Variants in MYLK4 observed in about 807,000 individuals in gnomAD.
MYLK4 encodes myosin light chain kinase family member 4, also known as caMLCK like.
Under a neutral mutation model 48.1 loss-of-function variants are expected in MYLK4, and 46 were observed. That is an observed-to-expected ratio of 0.96 (90% CI 0.75 to 1.22). MYLK4 has a LOEUF of 1.22. MYLK4 is among the 50% of genes most tolerant of loss of function. MYLK4 has a pLI of 0.00. For missense variants in MYLK4, 451 were observed against 486.1 expected (o/e 0.93, Z 0.68); for synonymous variants, 170 against 180.8 (o/e 0.94, Z 0.48).
At chr6:2,765,310 T>G in the MYLK4 span, 1 of 195,144 alleles carries the variant, frequency 5.1e-6, no homozygotes, top group Non-Finnish European at 1.0e-5. Flanking sequence ...TTCTCGGCGG[T>G]GATTGGGGCA....
Position 2,678,373 on chromosome 6 carries a change from C to G in MYLK4, c.888-1G>C, listed in dbSNP as rs777507952. ...CAGGAAAGGCGACAAACCGCTAAGTCTGGAGGACACGGGGTCCAGAGTGAG... is the reference window on the plus strand; with the variant it reads ...CAGGAAAGGCGACAAACCGCTAAGTGTGGAGGACACGGGGTCCAGAGTGAG... On this transcript the variant is annotated splice_acceptor_variant, in intron 9 of 12. Coordinates refer to ENST00000274643, the MANE Select transcript of MYLK4 (RefSeq NM_001012418.5). LOFTEE classifies it high-confidence loss of function. 1.9e-6 allele frequency: 3 copies of G among 1,613,806 alleles called. No homozygotes were observed. Among genetic ancestry groups the G allele is most frequent in the Non-Finnish European group, 8.5e-7 (1 of 1,179,988 alleles).
rs1360635971 is a variant in MYLK4 at position 2,670,280 on chromosome 6, C to G, written c.*25+996G>C. ...ACTCAGGATGCTGAGGCAGGAGAATCGCTTGAACCTGGGAGGTGGGGGTTG... is the reference window on the plus strand; with the variant it reads ...ACTCAGGATGCTGAGGCAGGAGAATGGCTTGAACCTGGGAGGTGGGGGTTG... On this transcript the variant is annotated intron_variant, in intron 12 of 12. Coordinates refer to ENST00000274643, the MANE Select transcript of MYLK4 (RefSeq NM_001012418.5). Among the ~76,000 whole-genome samples, 3 of 152,236 alleles carry G rather than the reference C, an allele frequency of 2.0e-5. 1 individual carries two copies. The South Asian group carries it at 6.2e-4, about 32-fold the overall frequency.
At chr6:2,697,941 C>G (rs1762128587) in intron 2 of MYLK4, among the ~76,000 whole-genome samples, 1 of 152,218 alleles carries the variant, frequency 6.6e-6, no homozygotes, top group African/African-American at 2.4e-5. Flanking sequence ...TGAGAACACT[C>G]TGTCATCAGG....
intron 2 of MYLK4, among the ~76,000 whole-genome samples, chr6:2,741,912 C>T (rs1192846311): frequency 2.6e-5 from 4 of 152,166 alleles, no homozygotes. Context: ...AAGATGAAAG[C>T]CCTTAGTATT....
chr6:2,769,295 C>G, the MYLK4 span, among the ~76,000 whole-genome samples: 1 of 151,800 alleles, frequency 6.6e-6, no homozygotes, highest in African/African-American at 2.4e-5. Context: ...TCTGTAACTC[C>G]AGGCTCTGTC....
Position 2,750,805 on chromosome 6 carries a change from G to T in MYLK4, c.-182C>A, listed in dbSNP as rs924564665. On this transcript the variant is annotated 5_prime_UTR_variant, in exon 1 of 13. Coordinates refer to ENST00000274643, the MANE Select transcript of MYLK4 (RefSeq NM_001012418.5). ...GAGCATACATTCCAGAAGATAAAGAGAAATTTTGCAGAATTCAAACTGACT... is the reference window on the plus strand; with the variant it reads ...GAGCATACATTCCAGAAGATAAAGATAAATTTTGCAGAATTCAAACTGACT... The T allele has an allele frequency of 2.0e-5, 3 of 152,484 alleles. No homozygotes were observed. Among genetic ancestry groups the T allele is most frequent in the African/African-American group, 7.2e-5 (3 of 41,444 alleles). The allele number at this position is 152,484 out of a possible 1,614,324, so 9.4% of individuals were successfully genotyped here.
intron 2 of MYLK4, among the ~76,000 whole-genome samples, chr6:2,705,517 G>A (rs1322367133): frequency 2.0e-5 from 3 of 152,164 alleles, no homozygotes; most frequent in African/African-American, 7.2e-5. Context: ...TGTGTTCCCT[G>A]TTTAAGCAGG....
At chr6:2,765,477 C>G in the MYLK4 span, 1 of 1,052,682 alleles carries the variant, frequency 9.5e-7, no homozygotes, top group Non-Finnish European at 1.2e-6. Flanking sequence ...GAGGCATGAG[C>G]GGCGCCCTCC....
intron 2 of MYLK4, among the ~76,000 whole-genome samples, chr6:2,716,829 A>C (rs1201943692): frequency 2.6e-5 from 4 of 152,272 alleles, no homozygotes; most frequent in African/African-American, 9.6e-5. Context: ...ATGAATATAA[A>C]ATGAATGAAA....
chr6:2,754,586 A>C (rs990077017), upstream of MYLK4, among the ~76,000 whole-genome samples: 4 of 152,232 alleles, frequency 2.6e-5, no homozygotes, highest in Non-Finnish European at 5.9e-5. Flanking sequence ...TGATGACTGT[A>C]CAACTCATTC....
chr6:2,727,059 T>A lies in MYLK4; in HGVS notation c.159+22077A>T, dbSNP rs138772187. Among the ~76,000 whole-genome samples, 412 of 152,344 alleles carry A rather than the reference T, an allele frequency of 2.7e-3. 2 individuals are homozygous for A. The highest frequency in any genetic ancestry group is 2.8e-3 in the Non-Finnish European group (188 of 68,028). ...ATTGTGAACGTGTCAGATTCTGCCA[T>A]CTGAAAGGTGGCCTTTTTCAGCCCA... On this transcript the variant is annotated intron_variant, in intron 2 of 12. Coordinates refer to ENST00000274643, the MANE Select transcript of MYLK4 (RefSeq NM_001012418.5).
chr6:2,703,665 CT>C (rs3055234), intron 2 of MYLK4, among the ~76,000 whole-genome samples: 2,465 of 94,680 alleles, frequency 0.026, 13 homozygotes, highest in East Asian at 0.19. Flanking sequence ...TTTGTGAATT[CT>C]TTTTTTTTTT....
At chr6:2,765,184 C>A in the MYLK4 span, among the ~76,000 whole-genome samples, 242 of 72,296 alleles carry the variant, frequency 3.3e-3, 6 homozygotes, top group Admixed American at 7.2e-3. Context: ...GCCTCGCAAC[C>A]CCCCCCCCCG....
chr6:2,720,468 T>C (rs1334393381), intron 2 of MYLK4, among the ~76,000 whole-genome samples: 1 of 151,842 alleles, frequency 6.6e-6, no homozygotes, highest in African/African-American at 2.4e-5. Flanking sequence ...CAACAGAGAT[T>C]ATGCAGGGAA....
chr6:2,762,449 G>A, the MYLK4 span, among the ~76,000 whole-genome samples: 2 of 152,186 alleles, frequency 1.3e-5, no homozygotes, highest in Non-Finnish European at 2.9e-5. Context: ...AGAGATTCAA[G>A]AAATTTGTTT....
chr6:2,674,763 T>G (rs1761022813), intron 11 of MYLK4, among the ~76,000 whole-genome samples: 1 of 152,114 alleles, frequency 6.6e-6, no homozygotes, highest in African/African-American at 2.4e-5. Context: ...CCCAGCTACC[T>G]GTGAGACTGA....
intron 2 of MYLK4, among the ~76,000 whole-genome samples, chr6:2,705,921 A>G (rs1249456663): frequency 3.1e-3 from 51 of 16,688 alleles, no homozygotes; most frequent in Middle Eastern, 0.025. Flanking sequence ...ATTCGGGGGA[A>G]AAAAAAAAAA....
At chr6:2,729,006 C>T (rs1205825727) in intron 2 of MYLK4, among the ~76,000 whole-genome samples, 2 of 152,198 alleles carry the variant, frequency 1.3e-5, no homozygotes, top group East Asian at 3.9e-4. Context: ...TTGCTGGTTG[C>T]TATGTGTACA....
rs778691772 is a variant in MYLK4, at chr6:2,685,625, C to T, written c.342-49G>A. ...AGCATGAGGCCCTGTGGTCAGCTGCCGAGTGGACAGCGCACAGTGGCCCCA... is the reference window on the plus strand; with the variant it reads ...AGCATGAGGCCCTGTGGTCAGCTGCTGAGTGGACAGCGCACAGTGGCCCCA... On this transcript the variant is annotated intron_variant, in intron 4 of 12. Transcript: ENST00000274643. This position sits in a 1 kb window ranked among gnomAD's most constrained non-coding sequence, Gnocchi z 4.5. 26 of 1,562,500 alleles carry T rather than the reference C, an allele frequency of 1.7e-5. No homozygotes were observed. Among genetic ancestry groups the T allele is most frequent in the East Asian group, 9.0e-5 (4 of 44,680 alleles).
Sources: gnomAD v4.1 joint callset for allele counts (sites outside exome capture counted in the v4.1 genomes callset) on GRCh38, gnomAD v4.1.1 for gene constraint, Gnocchi (gnomAD v3.1) non-coding constraint, MANE v1.5 for transcripts, NCBI Gene and HGNC (gene_info 2026-07-23, HGNC 2026-07-21) for gene names.